Variants in IL7 observed in about 807,000 individuals in gnomAD.
The protein encoded by IL7 is interleukin 7, also known as interleukin-7.
IL7 carries 3 observed loss-of-function variants against 21.6 expected under a neutral mutation model. That is an observed-to-expected ratio of 0.14 (90% CI 0.06 to 0.36). The LOEUF (loss-of-function observed/expected upper bound fraction) is 0.36, where lower values mean the gene tolerates loss of function less well. IL7 is among the 10% of genes least tolerant of loss of function. IL7 has a pLI of 1.00. For missense variants in IL7, 175 were observed against 200.2 expected (o/e 0.87, Z 0.76); for synonymous variants, 62 against 68.1 (o/e 0.91, Z 0.44).
chr8:78,768,424 C>T (rs1386736924), intron 2 of IL7, among the ~76,000 whole-genome samples: 4 of 148,204 alleles, frequency 2.7e-5, no homozygotes, highest in South Asian at 2.2e-4. Context: ...ACATCCTCTC[C>T]AGCACCTGTT....
intron 2 of IL7, among the ~76,000 whole-genome samples, chr8:78,794,752 T>C (rs917837514): frequency 6.6e-6 from 1 of 152,102 alleles, no homozygotes; most frequent in African/African-American, 2.4e-5. Flanking sequence ...TGTTAGATGA[T>C]AAGCAGACAT....
chr8:78,763,276 C>T (rs1341893255), intron 2 of IL7, among the ~76,000 whole-genome samples: 2 of 152,132 alleles, frequency 1.3e-5, no homozygotes, highest in Non-Finnish European at 2.9e-5. Context: ...AAGTTAATAC[C>T]TTCAAATAAT....
chr8:78,733,497 A>G lies in IL7; in HGVS notation c.*216T>C, dbSNP rs1158316100. ...TACTGATTGATAAATGTTCACATAT[A>G]TAAGAAATAGTTTGTTGACTGGAGC... is the stretch of plus-strand genomic sequence containing the variant. On this transcript the variant is annotated 3_prime_UTR_variant, in exon 6 of 6. Transcript: ENST00000263851. 9.1e-6 allele frequency: 4 copies of G among 438,972 alleles called. No individual in the cohort carries two copies. The Admixed American group carries it at 1.3e-4, about 15-fold the overall frequency. The allele number at this position is 438,972 out of a possible 1,614,324, so 27.2% of individuals were successfully genotyped here. A position where few individuals can be genotyped will look rare whatever the true frequency, so the allele number is the denominator to read the frequency against.
chr8:78,749,880 C>CA (rs1179656193), intron 2 of IL7, among the ~76,000 whole-genome samples: 1 of 151,818 alleles, frequency 6.6e-6, no homozygotes, highest in Non-Finnish European at 1.5e-5. Context: ...CAAACAATTA[C>CA]AAAAAAATTA....
chr8:78,790,026 T>C (rs1047784969), intron 2 of IL7, among the ~76,000 whole-genome samples: 2 of 152,180 alleles, frequency 1.3e-5, no homozygotes, highest in African/African-American at 4.8e-5. Context: ...TCAGGCTATA[T>C]GAGAGCTGTC....
At chr8:78,731,920 T>G (rs1811431226), downstream of IL7, among the ~76,000 whole-genome samples, 1 of 152,128 alleles carries the variant, frequency 6.6e-6, no homozygotes, top group South Asian at 2.1e-4. Flanking sequence ...GACCCTTATT[T>G]TACCATAACA....
At chr8:78,772,305 A>G (rs980760694) in intron 2 of IL7, among the ~76,000 whole-genome samples, 16 of 152,180 alleles carry the variant, frequency 1.1e-4, no homozygotes, top group Non-Finnish European at 2.1e-4. Context: ...TCAAGACAAC[A>G]TATTATTTTC....
At chr8:78,707,566 C>T (rs1023603866) in intron 3 of IL7, among the ~76,000 whole-genome samples, 4 of 152,132 alleles carry the variant, frequency 2.6e-5, no homozygotes, top group Admixed American at 1.3e-4. Context: ...ATTTTGAGTA[C>T]AATAATTTTG....
chr8:78,768,147 C>T (rs919671251), intron 2 of IL7, among the ~76,000 whole-genome samples: 1 of 152,174 alleles, frequency 6.6e-6, no homozygotes, highest in African/African-American at 2.4e-5. Context: ...ATATGTGCCA[C>T]ATTTTCTTAA....
intron 3 of IL7, among the ~76,000 whole-genome samples, chr8:78,699,434 A>G (rs1810529872): frequency 6.6e-6 from 1 of 152,204 alleles, no homozygotes. Context: ...GGTTCAGTTG[A>G]TTAATGAAAT....
At chr8:78,768,563 T>C (rs1475076135) in intron 2 of IL7, among the ~76,000 whole-genome samples, 6 of 151,190 alleles carry the variant, frequency 4.0e-5, no homozygotes, top group Non-Finnish European at 8.8e-5. Context: ...GCTGCATAAA[T>C]GTCTTCTTTT....
chr8:78,737,394 G>T (rs1209164560), intron 4 of IL7, among the ~76,000 whole-genome samples: 1 of 152,084 alleles, frequency 6.6e-6, no homozygotes, highest in Non-Finnish European at 1.5e-5. Context: ...TGGTAGACTA[G>T]AGTAGGAAGT....
chr8:78,751,278 A>G (rs1812162526), intron 2 of IL7, among the ~76,000 whole-genome samples: 1 of 152,192 alleles, frequency 6.6e-6, no homozygotes. Flanking sequence ...CTTATAGAAG[A>G]GCAAAGATAA....
intron 3 of IL7, among the ~76,000 whole-genome samples, chr8:78,726,102 G>A (rs754993692): frequency 6.6e-6 from 1 of 151,950 alleles, no homozygotes; most frequent in Non-Finnish European, 1.5e-5. Context: ...AAATGTGAGG[G>A]AGGGTGGAAG....
chr8:78,696,892 G>C (rs1433610556), intron 3 of IL7, among the ~76,000 whole-genome samples: 1 of 152,140 alleles, frequency 6.6e-6, no homozygotes, highest in Non-Finnish European at 1.5e-5. Flanking sequence ...CACCATAGCT[G>C]TTTCTAAGTT....
chr8:78,727,151 C>G (rs1241304234), intron 3 of IL7, among the ~76,000 whole-genome samples: 1 of 151,882 alleles, frequency 6.6e-6, no homozygotes, highest in Non-Finnish European at 1.5e-5. Flanking sequence ...ATCTTTTTTG[C>G]TTCCCTTTTC....
chr8:78,760,903 G>T (rs1812531309), intron 2 of IL7: 2 of 1,557,204 alleles, frequency 1.3e-6, no homozygotes, highest in Non-Finnish European at 1.7e-6. Flanking sequence ...CGGCTGCAAA[G>T]AAGACATCAG....
At chr8:78,784,858 G>A (rs1456296128) in intron 2 of IL7, among the ~76,000 whole-genome samples, 3 of 152,062 alleles carry the variant, frequency 2.0e-5, no homozygotes. Context: ...TTTATATCCA[G>A]TAGCTCCCCT....
chr8:78,724,965 T>A (rs1811314975), intron 3 of IL7, among the ~76,000 whole-genome samples: 1 of 152,042 alleles, frequency 6.6e-6, no homozygotes, highest in South Asian at 2.1e-4. Flanking sequence ...TAGTGAAAAA[T>A]TATTTTGATT....
Sources: gnomAD v4.1 joint callset for allele counts (sites outside exome capture counted in the v4.1 genomes callset) on GRCh38, gnomAD v4.1.1 for gene constraint, MANE v1.5 for transcripts, NCBI Gene and HGNC (gene_info 2026-07-23, HGNC 2026-07-21) for gene names.